Variants in SCN1A observed in about 807,000 individuals in gnomAD.
The protein encoded by SCN1A is sodium channel protein type 1 subunit alpha.
In SCN1A, 13 loss-of-function variants were observed where a neutral mutation model predicts 193.7. The observed-to-expected ratio is 0.07, with a 90% CI of 0.04 to 0.11. The LOEUF (loss-of-function observed/expected upper bound fraction) is 0.11. Ranked by LOEUF, SCN1A falls within the 10% of genes least tolerant of loss-of-function variation. The probability of loss-of-function intolerance (pLI) is 1.00; values close to 1 mark genes in which losing one functional copy is unlikely to be tolerated. For missense variants in SCN1A, 1,432 were observed against 2,451.1 expected (o/e 0.58, Z 8.78); for synonymous variants, 781 against 843.6 (o/e 0.93, Z 1.29).
In SCN1A at chr2:166,037,881, C is replaced by T. The variant is rs760484751; in HGVS notation, c.2841G>A (p.Val947=). 1.2e-5 allele frequency: 20 copies of T among 1,614,016 alleles called. No individual in the cohort carries two copies. The East Asian group carries it at 2.7e-4, about 22-fold the overall frequency. The part of the protein sequence containing the change: ...FFHSFLIVFR[V]LCGEWIETMW... Reference sequence around the variant, plus strand: ...TGGTCTCTATCCACTCCCCACACAGCACGCGGAACACAATCAGGAAGGAGT... The same window carrying T: ...TGGTCTCTATCCACTCCCCACACAGTACGCGGAACACAATCAGGAAGGAGT... The change falls in exon 18 of 29, where the codon GTG becomes GTA. Residue 947 remains valine, a synonymous_variant. Coordinates refer to ENST00000674923, the MANE Select transcript of SCN1A (RefSeq NM_001165963.4).
Position 166,041,482 on chromosome 2 carries a change from A to G in SCN1A, c.2177-13T>C. The G allele has an allele frequency of 6.9e-7, 1 of 1,454,916 alleles. No individual in the cohort carries two copies. Among genetic ancestry groups the G allele is most frequent in the Non-Finnish European group, 9.5e-7 (1 of 1,052,314 alleles). 90.1% of individuals were successfully genotyped at this position (1,454,916 alleles called of 1,614,324 possible). ...GATTCTTCAAGTTCTAGATTAAGAA[A>G]AAAAAAAAAAAGAACCACCAAAAGG... On this transcript the variant is annotated splice_polypyrimidine_tract_variant and intron_variant, in intron 15 of 28. Coordinates refer to ENST00000674923, the MANE Select transcript of SCN1A (RefSeq NM_001165963.4).
intron 19 of SCN1A, among the ~76,000 whole-genome samples, chr2:166,026,679 CTTTT>C (rs35750460): frequency 2.0e-5 from 2 of 97,712 alleles, no homozygotes; most frequent in Non-Finnish European, 3.8e-5. Flanking sequence ...TTCTTTCTTT[CTTTT>C]TTTTTTTTTT....
chr2:165,989,070 G>GCA lies in SCN1A; in HGVS notation c.*2174_*2175insTG, dbSNP rs1688806586. On this transcript the variant is annotated 3_prime_UTR_variant, in exon 29 of 29. Coordinates refer to ENST00000674923, the MANE Select transcript of SCN1A (RefSeq NM_001165963.4). ...TGTGTGTGTGTGTGTGTGTGTGTGC[G>GCA]CGCGCGCTCCCCTTCTCCCCCAATT... 1 of 7,328 alleles carries GCA rather than the reference G, an allele frequency of 1.4e-4. No individual in the cohort carries two copies. The highest frequency in any genetic ancestry group is 1.7e-4 in the African/African-American group (1 of 5,766). 0.5% of individuals were successfully genotyped at this position (7,328 alleles called of 1,614,324 possible).
intron 2 of SCN1A, among the ~76,000 whole-genome samples, chr2:166,084,087 A>G (rs911348008): frequency 6.6e-6 from 1 of 152,150 alleles, no homozygotes; most frequent in African/African-American, 2.4e-5. Flanking sequence ...CACTGCCTAT[A>G]TCCAAGTTGT....
chr2:166,080,445 C>A (rs1685396298), intron 2 of SCN1A, among the ~76,000 whole-genome samples: 1 of 151,530 alleles, frequency 6.6e-6, no homozygotes, highest in Non-Finnish European at 1.5e-5. Flanking sequence ...AACTAAGAAA[C>A]CATAGCTAGG....
At chr2:166,129,864 T>A (rs1042925035), upstream of SCN1A, among the ~76,000 whole-genome samples, 2 of 152,128 alleles carry the variant, frequency 1.3e-5, no homozygotes, top group Non-Finnish European at 2.9e-5. Context: ...TGATCCTTAG[T>A]GGTAAACCTA....
chr2:166,036,156 G>T lies in SCN1A; in HGVS notation c.3321C>A (p.Asn1107Lys), dbSNP rs1292449351. Residue 1107 changes from asparagine to lysine, a missense_variant, in exon 19 of 29, where the codon AAC (asparagine) becomes AAA (lysine). Physicochemically the swap from Asn to Lys is moderately conservative, Grantham distance 94 (BLOSUM62 0). Around this residue, in one of 18 missense-constraint regions of SCN1A, gnomAD observed 198 missense variants for 225.8 expected, o/e 0.88. Transcript: ENST00000674923. ...IDESDYMSFI[N>K]NPSLTVTVPI... ...GTACAGTCACAGTAAGACTGGGGTTGTTTATGAATGACATGTAATCACTTT... is the reference window on the plus strand; with the variant it reads ...GTACAGTCACAGTAAGACTGGGGTTTTTTATGAATGACATGTAATCACTTT... 1.2e-6 allele frequency: 2 copies of T among 1,613,866 alleles called. No individual in the cohort carries two copies. Among genetic ancestry groups the T allele is most frequent in the Non-Finnish European group, 1.7e-6 (2 of 1,179,950 alleles).
intron 19 of SCN1A, chr2:166,015,947 A>G (rs1193120444): frequency 1.9e-6 from 1 of 532,472 alleles, no homozygotes; most frequent in South Asian, 2.0e-5. Context: ...TCAGATTGCT[A>G]TGTTATGAGG....
chr2:166,053,766 A>T (rs964286618), intron 7 of SCN1A, among the ~76,000 whole-genome samples: 2 of 151,884 alleles, frequency 1.3e-5, no homozygotes, highest in Non-Finnish European at 2.9e-5. Context: ...TTAGAGGCCA[A>T]AAAATCAGCT....
At chr2:166,044,372 T>C (rs1244807892) in intron 13 of SCN1A, among the ~76,000 whole-genome samples, 1 of 152,106 alleles carries the variant, frequency 6.6e-6, no homozygotes, top group Non-Finnish European at 1.5e-5. Context: ...AATATGGCAA[T>C]GGACGTGGTA....
chr2:166,102,993 A>G (rs1037111521), intron 2 of SCN1A, among the ~76,000 whole-genome samples: 1 of 152,082 alleles, frequency 6.6e-6, no homozygotes, highest in Non-Finnish European at 1.5e-5. Flanking sequence ...ACCTTAAGGC[A>G]TTGTTCAATT....
chr2:165,991,857 C>T lies in SCN1A; in HGVS notation c.5418G>A (p.Glu1806=), dbSNP rs140237315. ...ACTTCTCCCAAACCTCATAGAACAT[C>T]TCAAAGTCATCCTCACTCAGAGGCT... ...SAEPLSEDDF[E]MFYEVWEKFD... is the part of the protein sequence containing the mutation. The change falls in exon 29 of 29, where the codon GAG becomes GAA. Residue 1806 remains glutamate, a synonymous_variant. Coordinates refer to ENST00000674923, the MANE Select transcript of SCN1A (RefSeq NM_001165963.4). The T allele has an allele frequency of 0.012, 19,659 of 1,613,934 alleles. 240 individuals carry two copies. Among genetic ancestry groups the T allele is most frequent in the Middle Eastern group, 0.045 (273 of 6,062 alleles).
At chr2:166,121,978 A>G (rs914286077) in intron 2 of SCN1A, among the ~76,000 whole-genome samples, 1 of 152,216 alleles carries the variant, frequency 6.6e-6, no homozygotes, top group African/African-American at 2.4e-5. Context: ...CCAGGAATGC[A>G]CATGCACAGA....
intron 4 of SCN1A, among the ~76,000 whole-genome samples, chr2:166,061,562 G>T (rs530379558): frequency 4.2e-4 from 64 of 152,250 alleles, no homozygotes; most frequent in African/African-American, 1.5e-3. Context: ...CTGGAAGGAA[G>T]ATATTGAATG....
At chr2:166,093,680 C>T (rs912559901) in intron 2 of SCN1A, among the ~76,000 whole-genome samples, 1 of 152,100 alleles carries the variant, frequency 6.6e-6, no homozygotes, top group Non-Finnish European at 1.5e-5. Context: ...TACTTATACC[C>T]GCTTAAATGT....
intron 2 of SCN1A, among the ~76,000 whole-genome samples, chr2:166,084,654 C>T (rs1685907715): frequency 1.3e-5 from 2 of 152,124 alleles, no homozygotes; most frequent in African/African-American, 2.4e-5. Flanking sequence ...TGCTTACATT[C>T]CTTCTTTGGA....
At chr2:166,102,096 G>A (rs1688145515) in intron 2 of SCN1A, among the ~76,000 whole-genome samples, 1 of 152,112 alleles carries the variant, frequency 6.6e-6, no homozygotes, top group South Asian at 2.1e-4. Flanking sequence ...ATACATACAC[G>A]TGACCAACAA....
At chr2:166,058,374 T>TTAA (rs1328990371) in intron 5 of SCN1A, among the ~76,000 whole-genome samples, 196 bp downstream of exon 5, 6 of 151,930 alleles carry the variant, frequency 3.9e-5, no homozygotes, top group African/African-American at 1.4e-4. Context: ...ATATATAAAA[T>TTAA]GTTAAAGAGT....
At chr2:166,116,082 A>G (rs1056172840) in intron 2 of SCN1A, among the ~76,000 whole-genome samples, 6 of 152,232 alleles carry the variant, frequency 3.9e-5, no homozygotes, top group African/African-American at 1.2e-4. Flanking sequence ...ATGGGGTAAG[A>G]AATAAACCTG....
Sources: gnomAD v4.1 joint callset for allele counts (sites outside exome capture counted in the v4.1 genomes callset) on GRCh38, gnomAD v4.1.1 for gene constraint, gnomAD v4.1.1 regional missense constraint, MANE v1.5 for transcripts, NCBI Gene and HGNC (gene_info 2026-07-23, HGNC 2026-07-21) for gene names.